TDRD1: variants seen among roughly 807,000 people sequenced by gnomAD.
TDRD1 encodes tudor domain-containing protein 1.
Under a neutral mutation model 140.6 loss-of-function variants are expected in TDRD1, and 37 were observed. The ratio of observed to expected loss-of-function variants is 0.26; its 90% CI spans 0.20 to 0.35. The LOEUF (loss-of-function observed/expected upper bound fraction) is 0.35, where lower values mean the gene tolerates loss of function less well. Among genes scored for constraint, TDRD1 ranks in the 10% least tolerant of loss-of-function variants. The probability of loss-of-function intolerance (pLI) is 1.00; values close to 1 mark genes in which losing one functional copy is unlikely to be tolerated. For synonymous variants in TDRD1, 506 were observed against 475.7 expected (o/e 1.06, Z -0.83); for missense variants, 1,243 against 1,393.0 (o/e 0.89, Z 1.71).
chr10:114,204,595 A>G, intron 9 of TDRD1, 127 bp from the exon 10 acceptor site: 3 of 930,922 alleles, frequency 3.2e-6, no homozygotes, highest in South Asian at 1.9e-5. Context: ...AAAATTGTCT[A>G]TCTGATTAGT....
chr10:114,185,224 C>G (rs1257622561), intron 1 of TDRD1, among the ~76,000 whole-genome samples: 1 of 152,218 alleles, frequency 6.6e-6, no homozygotes, highest in African/African-American at 2.4e-5. Flanking sequence ...GAGTCTCATT[C>G]TGTTGCCCAG....
At chr10:114,204,994 C>T (rs2035008240) in intron 10 of TDRD1, 101 bp downstream of exon 10, 2 of 1,024,692 alleles carry the variant, frequency 2.0e-6, no homozygotes, top group Non-Finnish European at 2.7e-6. Context: ...GTAAACTGCC[C>T]TCTGGAGTCA....
intron 1 of TDRD1, among the ~76,000 whole-genome samples, chr10:114,180,568 C>G (rs2032967791): frequency 6.6e-6 from 1 of 152,168 alleles, no homozygotes; most frequent in Admixed American, 6.5e-5. Flanking sequence ...CGGGTTCAAG[C>G]GATTCTCCAG....
At chr10:114,188,494 C>T (rs749120030) in intron 2 of TDRD1, among the ~76,000 whole-genome samples, 7 of 152,180 alleles carry the variant, frequency 4.6e-5, no homozygotes, top group South Asian at 2.1e-4. Flanking sequence ...ATGCATATAT[C>T]GCAAAGATAT....
upstream of TDRD1, among the ~76,000 whole-genome samples, chr10:114,175,729 A>C (rs1445038269): frequency 1.3e-5 from 2 of 152,238 alleles, no homozygotes; most frequent in African/African-American, 4.8e-5. Flanking sequence ...AAGACTCAGA[A>C]GGCAGTTCAA....
chr10:114,224,821 G>A (rs896491039), intron 21 of TDRD1, among the ~76,000 whole-genome samples: 1 of 152,080 alleles, frequency 6.6e-6, no homozygotes, highest in Non-Finnish European at 1.5e-5. Context: ...GTTTCCCTAA[G>A]GTCCTGTTTT....
chr10:114,187,937 C>T (rs763703521), exon 2 of TDRD1: 5 of 1,613,802 alleles, frequency 3.1e-6, no homozygotes, highest in Non-Finnish European at 4.2e-6. Flanking sequence ...AAACAAGCTT[C>T]CACCACATGA....
At chr10:114,206,482 A>G (rs1447919955) in intron 11 of TDRD1, 152 bp downstream of exon 11, 11 of 575,186 alleles carry the variant, frequency 1.9e-5, no homozygotes, top group Non-Finnish European at 3.3e-5. Flanking sequence ...ATTTAGTAGT[A>G]TATCATTTCT....
intron 25 of TDRD1, chr10:114,228,231 G>A: frequency 1.4e-6 from 2 of 1,450,448 alleles, no homozygotes; most frequent in East Asian, 5.0e-5. Context: ...CTATTGTAAG[G>A]CTGTACTTTC....
At chr10:114,209,029 G>C (rs530238570) in intron 11 of TDRD1, among the ~76,000 whole-genome samples, 3 of 151,982 alleles carry the variant, frequency 2.0e-5, no homozygotes, top group South Asian at 2.1e-4. Context: ...TGAACTGCCC[G>C]CCTCGGCCTC....
At chr10:114,211,752 T>C in intron 13 of TDRD1, 114 bp from the exon 14 acceptor site, 1 of 1,055,402 alleles carries the variant, frequency 9.5e-7, no homozygotes, top group South Asian at 2.4e-5. Context: ...TCTATAAGCT[T>C]GATATCTATT....
At chr10:114,208,819 G>A (rs1322602905) in intron 11 of TDRD1, among the ~76,000 whole-genome samples, 1 of 151,302 alleles carries the variant, frequency 6.6e-6, no homozygotes, top group Admixed American at 6.6e-5. Flanking sequence ...CTGTCACCAG[G>A]CTAGAGTGCA....
chr10:114,218,673 G>A lies in TDRD1; in HGVS notation c.2494+89G>A, dbSNP rs187957181. The stretch of plus-strand genomic sequence containing the variant: ...AATATCTACAATGTTAACATTTCGT[G>A]TGAGTTAGAGGATCCTGCTTCATAT... On this transcript the variant is annotated intron_variant, in intron 18 of 25. Coordinates refer to ENST00000251864, the Ensembl canonical transcript of TDRD1. 20 of 923,152 alleles carry A rather than the reference G, an allele frequency of 2.2e-5. No individual in the cohort carries two copies. In the Admixed American group the frequency reaches 5.2e-4, roughly 24 times the overall value. 57.2% of individuals were successfully genotyped at this position (923,152 alleles called of 1,614,324 possible).
chr10:114,227,419 A>G (rs1407362653), intron 23 of TDRD1, 120 bp downstream of exon 23: 3 of 739,086 alleles, frequency 4.1e-6, no homozygotes, highest in Non-Finnish European at 6.8e-6. Context: ...TCCTCCACAA[A>G]TCCAGTGGCA....
At chr10:114,198,461 C>CAA (rs1457616257) in intron 3 of TDRD1, among the ~76,000 whole-genome samples, 1 of 152,138 alleles carries the variant, frequency 6.6e-6, no homozygotes, top group Non-Finnish European at 1.5e-5. Flanking sequence ...CACCTGTGAG[C>CAA]AGGTTGGGGC....
At chr10:114,228,826 G>A in intron 25 of TDRD1, 2 of 975,926 alleles carry the variant, frequency 2.0e-6, no homozygotes, top group African/African-American at 1.7e-5. Context: ...GCTCACGCCT[G>A]TAATCCCAGC....
In TDRD1 at chr10:114,212,055, C is replaced by T. The variant is rs1304113254; in HGVS notation, c.1831+19C>T. The stretch of plus-strand genomic sequence containing the variant: ...CTAGCAGGTATGAAATTTTTATAGC[C>T]TCCATATTCTTTAAAAATTCTACAG... On this transcript the variant is annotated intron_variant, in intron 14 of 25. Transcript: ENST00000251864. The T allele has an allele frequency of 3.2e-6, 5 of 1,571,680 alleles. No individual in the cohort carries two copies. The highest frequency in any genetic ancestry group is 3.4e-6 in the Non-Finnish European group (4 of 1,167,194).
At chr10:114,225,223 A>T (rs2036366107) in intron 21 of TDRD1, among the ~76,000 whole-genome samples, 2 of 152,230 alleles carry the variant, frequency 1.3e-5, no homozygotes, top group African/African-American at 4.8e-5. Context: ...CACAAAGCTC[A>T]CCATTCTCTT....
Position 114,217,666 on chromosome 10 carries a change from A to G in TDRD1, c.2323+11A>G, listed in dbSNP as rs2035896964. 6 of 1,414,106 alleles carry G rather than the reference A, an allele frequency of 4.2e-6. No homozygotes were observed. In the South Asian group the frequency reaches 4.8e-5, roughly 11 times the overall value. 87.6% of individuals were successfully genotyped at this position (1,414,106 alleles called of 1,614,324 possible). A position where few individuals can be genotyped will look rare whatever the true frequency, so the allele number is the denominator to read the frequency against. On this transcript the variant is annotated intron_variant, in intron 17 of 25. Coordinates refer to ENST00000251864, the Ensembl canonical transcript of TDRD1. ...GTGCTTTTTTTGCAGGTAAGTTGCA[A>G]TTGATGCAATCTTGACTTTTAGAAC...
Sources: allele counts gnomAD v4.1 joint callset (sites outside exome capture counted in the v4.1 genomes callset), GRCh38; gene constraint gnomAD v4.1.1; transcripts MANE v1.5; gene names NCBI Gene and HGNC (gene_info 2026-07-23, HGNC 2026-07-21).